The following NEGR1 variants were observed in gnomAD, a reference collection of about 807,000 sequenced individuals.
NEGR1 encodes the protein IgLON family member 4.
NEGR1 carries 10 observed loss-of-function variants against 40.9 expected under a neutral mutation model. The ratio of observed to expected loss-of-function variants is 0.24; its 90% confidence interval spans 0.15 to 0.42. NEGR1 has a LOEUF of 0.42. Ranked by LOEUF, NEGR1 falls within the 10% of genes least tolerant of loss-of-function variation. The pLI is 1.00. For synonymous variants in NEGR1, 185 were observed against 166.8 expected (o/e 1.11, Z -0.84); for missense variants, 352 against 438.9 (o/e 0.80, Z 1.77).
intron 6 of NEGR1, among the ~76,000 whole-genome samples, chr1:71,467,692 C>T (rs1273107921): frequency 2.1e-5 from 3 of 140,868 alleles, no homozygotes; most frequent in African/African-American, 7.9e-5. Context: ...TACTTTTGAC[C>T]TTTTATAAAA....
intron 3 of NEGR1, among the ~76,000 whole-genome samples, chr1:71,756,846 TA>T (rs200567051): frequency 0.072 from 9,238 of 127,710 alleles, 549 homozygotes; most frequent in African/African-American, 0.17. Flanking sequence ...AAAATGAAAA[TA>T]AAAAAAAAAA....
intron 2 of NEGR1, among the ~76,000 whole-genome samples, chr1:71,805,721 C>T (rs1657745470): frequency 6.6e-6 from 1 of 152,128 alleles, no homozygotes; most frequent in Admixed American, 6.5e-5. Context: ...TAACTACTTG[C>T]CTGCTGTAAT....
At chr1:72,230,005 T>C (rs180718032) in intron 1 of NEGR1, among the ~76,000 whole-genome samples, 10 of 152,212 alleles carry the variant, frequency 6.6e-5, no homozygotes, top group Non-Finnish European at 1.0e-4. Context: ...ACTGGTTCAG[T>C]GGGAGTTCTC....
intron 4 of NEGR1, among the ~76,000 whole-genome samples, chr1:71,677,941 T>G (rs950916787): frequency 1.3e-5 from 2 of 152,184 alleles, no homozygotes; most frequent in African/African-American, 4.8e-5. Context: ...AACAGGAAGT[T>G]GGATTATAAC....
At chr1:71,550,515 G>A (rs1648040854) in intron 6 of NEGR1, among the ~76,000 whole-genome samples, 1 of 150,930 alleles carries the variant, frequency 6.6e-6, no homozygotes, top group South Asian at 2.1e-4. Context: ...AGCCCTTCAT[G>A]CAGGGACACT....
chr1:72,047,716 A>C (rs1034431240), intron 1 of NEGR1, among the ~76,000 whole-genome samples: 1 of 151,510 alleles, frequency 6.6e-6, no homozygotes, highest in Admixed American at 6.6e-5. Context: ...AAGCCATGAA[A>C]AATCCAGAAA....
intron 6 of NEGR1, among the ~76,000 whole-genome samples, chr1:71,577,217 G>T (rs1415095586): frequency 6.6e-6 from 1 of 152,168 alleles, no homozygotes; most frequent in Non-Finnish European, 1.5e-5. Context: ...TTGGTGGAGG[G>T]TCTCTAAGCA....
chr1:71,978,800 C>T (rs558135381), intron 1 of NEGR1, among the ~76,000 whole-genome samples: 9 of 152,070 alleles, frequency 5.9e-5, no homozygotes, highest in Non-Finnish European at 1.3e-4. Context: ...TTCGGCGATT[C>T]CTCAAAGAGC....
At chr1:72,239,201 T>C (rs1361161213) in intron 1 of NEGR1, among the ~76,000 whole-genome samples, 1 of 151,850 alleles carries the variant, frequency 6.6e-6, no homozygotes, top group Middle Eastern at 3.2e-3. Flanking sequence ...AGTTTTGATA[T>C]AAGGAGAATA....
chr1:72,062,328 C>T (rs1433345394), intron 1 of NEGR1, among the ~76,000 whole-genome samples: 1 of 151,876 alleles, frequency 6.6e-6, no homozygotes, highest in Non-Finnish European at 1.5e-5. Context: ...GAATTAATCA[C>T]TCCTCATTCT....
chr1:71,794,875 T>C (rs1302206199), intron 2 of NEGR1, among the ~76,000 whole-genome samples: 3 of 151,924 alleles, frequency 2.0e-5, no homozygotes, highest in African/African-American at 7.2e-5. Flanking sequence ...ATATAAATAA[T>C]TTCAACAAGT....
intron 3 of NEGR1, among the ~76,000 whole-genome samples, chr1:71,699,171 T>C (rs903124932): frequency 2.6e-5 from 4 of 151,964 alleles, no homozygotes; most frequent in African/African-American, 9.7e-5. Context: ...TCAAAACCAC[T>C]GTAATGATAT....
rs151077848 is a variant in NEGR1 at position 72,003,349 on chromosome 1, C to T, written c.177-68038G>A. ...CAAGCTGAAGCAGCACAGCACACTG[C>T]AGCCTGCCAACAAACATGCAATGCC... On this transcript the variant is annotated intron_variant, in intron 1 of 6. Transcript: ENST00000357731. Among the ~76,000 whole-genome samples the T allele has an allele frequency of 6.3e-4, 96 of 152,036 alleles. 1 individual carries two copies. The highest frequency in any genetic ancestry group is 1.1e-3 in the Non-Finnish European group (77 of 67,996).
In NEGR1 at chr1:71,934,838, C is replaced by T. The variant is rs544756670; in HGVS notation, c.409+241G>A. Among the ~76,000 whole-genome samples the T allele has an allele frequency of 4.6e-5, 7 of 151,838 alleles. No individual in the cohort carries two copies. In the South Asian group the frequency reaches 6.2e-4, roughly 14 times the overall value. Reference sequence around the variant, plus strand: ...TTTTAAATGTGTGTATGTGTGTGCGCGTGTGTGTTTCAACTGAAAGCCAGT... The same window carrying T: ...TTTTAAATGTGTGTATGTGTGTGCGTGTGTGTGTTTCAACTGAAAGCCAGT... On this transcript the variant is annotated intron_variant, in intron 2 of 6. Transcript: ENST00000357731.
intron 3 of NEGR1, among the ~76,000 whole-genome samples, chr1:71,748,942 G>T (rs1372594066): frequency 6.6e-6 from 1 of 152,032 alleles, no homozygotes; most frequent in Non-Finnish European, 1.5e-5. Context: ...TTTCCACAAG[G>T]AGAATGAAGT....
intron 6 of NEGR1, among the ~76,000 whole-genome samples, chr1:71,457,851 G>A (rs546672463): frequency 5.8e-4 from 88 of 151,948 alleles, no homozygotes; most frequent in Non-Finnish European, 1.1e-3. Context: ...ACAGGCACCC[G>A]CCACCACGCC....
chr1:71,845,860 C>T (rs914609479), intron 2 of NEGR1, among the ~76,000 whole-genome samples: 9 of 150,750 alleles, frequency 6.0e-5, no homozygotes, highest in Non-Finnish European at 1.3e-4. Flanking sequence ...CCTGGGCTCA[C>T]GGGATCCTCC....
chr1:71,746,885 C>T (rs369522549), intron 3 of NEGR1, among the ~76,000 whole-genome samples: 21 of 152,164 alleles, frequency 1.4e-4, no homozygotes, highest in African/African-American at 4.8e-4. Flanking sequence ...CTCTCAAATG[C>T]CTTTCAGGCA....
chr1:72,001,062 T>C (rs1441431455), intron 1 of NEGR1, among the ~76,000 whole-genome samples: 1 of 152,008 alleles, frequency 6.6e-6, no homozygotes, highest in African/African-American at 2.4e-5. Context: ...CAAAGCAATA[T>C]GGAGTAACTC....
Sources: allele counts gnomAD v4.1 joint callset (sites outside exome capture counted in the v4.1 genomes callset), GRCh38; gene constraint gnomAD v4.1.1; transcripts MANE v1.5; gene names NCBI Gene and HGNC (gene_info 2026-07-23, HGNC 2026-07-21).